The following CD8B variants were observed in gnomAD, a reference collection of about 807,000 sequenced individuals.
CD8B encodes the protein T-cell surface glycoprotein CD8 beta chain.
Under a neutral mutation model 24.2 loss-of-function variants are expected in CD8B, and 6 were observed. The observed-to-expected ratio is 0.25, with a 90% CI of 0.14 to 0.49. The LOEUF (loss-of-function observed/expected upper bound fraction) is 0.49, where lower values mean the gene tolerates loss of function less well. Ranked by LOEUF, CD8B falls within the 20% of genes least tolerant of loss-of-function variation. The pLI is 0.98. For synonymous variants in CD8B, 84 were observed against 108.3 expected, an observed-to-expected ratio of 0.78 and a Z score of 1.39; for missense variants, 196 against 271.3, an observed-to-expected ratio of 0.72 and a Z score of 1.95.
intron 1 of CD8B, among the ~76,000 whole-genome samples, chr2:86,858,638 G>T (rs1021121024): frequency 2.1e-5 from 3 of 141,446 alleles, no homozygotes; most frequent in African/African-American, 8.2e-5. Context: ...GCTAAGTTCA[G>T]CTTTACAAAG....
intron 5 of CD8B, among the ~76,000 whole-genome samples, chr2:86,824,519 A>C (rs1431738968): frequency 6.6e-6 from 1 of 152,204 alleles, no homozygotes; most frequent in East Asian, 1.9e-4. Flanking sequence ...TGATTGAATG[A>C]ATGAGCAGAT....
chr2:86,826,445 G>T (rs1674691203), intron 5 of CD8B, among the ~76,000 whole-genome samples: 1 of 152,158 alleles, frequency 6.6e-6, no homozygotes, highest in Non-Finnish European at 1.5e-5. Context: ...AATCGATTCT[G>T]ACAATGTAGA....
At position 86,832,148 on chromosome 2, in the gene CD8B, A is replaced by T. The variant is rs143639179; in HGVS notation, c.620+12774T>A. ...TGTAATTTTAGGCAAATATCAGAGG[A>T]GAAAATAAATTACCTTGAGTGATTA... On this transcript the variant is annotated intron_variant, in intron 5 of 5. Coordinates refer to the CD8B transcript ENST00000331469. 5.3e-3 allele frequency among the ~76,000 whole-genome samples: 814 copies of T among 152,330 alleles called. 9 individuals are homozygous for T. Among genetic ancestry groups the T allele is most frequent in the African/African-American group, 0.019 (771 of 41,572 alleles).
chr2:86,833,530 TCTCCTCCCCTCCCGTCCG>T (rs1403131986), downstream of CD8B, among the ~76,000 whole-genome samples: 136 of 61,762 alleles, frequency 2.2e-3, no homozygotes, highest in African/African-American at 8.7e-3. Context: ...TCCCCTCCGC[TCTCCTCCCCTCCCGTCCG>T]CTCTCCTCCC....
rs1187860781 is a variant in CD8B, at chr2:86,839,782, G to T, written c.*2525C>A. Among the ~76,000 whole-genome samples the T allele has an allele frequency of 2.0e-5, 3 of 152,260 alleles. No individual in the cohort carries two copies. The highest frequency in any genetic ancestry group is 7.2e-5 in the African/African-American group (3 of 41,470). The stretch of plus-strand genomic sequence containing the variant: ...CTGCAGTGGGACAAGAGGCCTTGTG[G>T]CCTGTTCTTACTTCCGCTGTGCACT... On this transcript the variant is annotated 3_prime_UTR_variant, in exon 6 of 6. Transcript: ENST00000390655.
intron 5 of CD8B, among the ~76,000 whole-genome samples, chr2:86,832,555 C>T (rs1345582716): frequency 6.6e-6 from 1 of 151,666 alleles, no homozygotes; most frequent in Non-Finnish European, 1.5e-5. Context: ...TTATGCAGCA[C>T]CAAATAACCT....
intron 2 of CD8B, 116 bp from the exon 3 acceptor site, chr2:86,853,202 G>T: frequency 6.6e-7 from 1 of 1,504,360 alleles, no homozygotes; most frequent in African/African-American, 1.4e-5. Context: ...CAACACTTCC[G>T]GAGGCCAAGG....
At chr2:86,836,121 T>G (rs1239029022), downstream of CD8B, among the ~76,000 whole-genome samples, 4 of 131,280 alleles carry the variant, frequency 3.0e-5, no homozygotes, top group South Asian at 2.7e-4. Flanking sequence ...GAAAGGTGGG[T>G]GGGTGGATGG....
chr2:86,822,665 C>G (rs1047456996), intron 5 of CD8B, among the ~76,000 whole-genome samples: 1 of 152,196 alleles, frequency 6.6e-6, no homozygotes, highest in Non-Finnish European at 1.5e-5. Flanking sequence ...GCTGTTGTTT[C>G]TAGTGGCTAA....
exon 6 of CD8B, chr2:86,815,605 GC>G (rs1479759661): frequency 3.8e-6 from 6 of 1,563,772 alleles, no homozygotes; most frequent in Non-Finnish European, 5.3e-6. Flanking sequence ...TGTGCTTCTT[GC>G]CTATGTTTTC....
At chr2:86,828,387 T>A (rs186559449) in intron 5 of CD8B, among the ~76,000 whole-genome samples, 58 of 152,246 alleles carry the variant, frequency 3.8e-4, no homozygotes, top group African/African-American at 1.3e-3. Context: ...ATAAAGTAGA[T>A]AATCTCATTT....
downstream of CD8B, chr2:86,815,509 G>T: frequency 1.3e-6 from 1 of 785,620 alleles, no homozygotes; most frequent in South Asian, 1.5e-5. Context: ...GATGGTGGCA[G>T]AGAAGTCTCT....
At chr2:86,850,341 G>C (rs1675914369) in intron 3 of CD8B, among the ~76,000 whole-genome samples, 1 of 152,094 alleles carries the variant, frequency 6.6e-6, no homozygotes, top group Admixed American at 6.5e-5. Context: ...TGGTCCCCCA[G>C]CACCTAAGGG....
downstream of CD8B, among the ~76,000 whole-genome samples, chr2:86,835,435 C>T (rs75935339): frequency 0.2 from 30,231 of 152,054 alleles, 3,203 homozygotes; most frequent in Non-Finnish European, 0.24. Flanking sequence ...CTTCGTGATC[C>T]GAAGGCAGGC....
chr2:86,826,359 G>A (rs576418835), intron 5 of CD8B, among the ~76,000 whole-genome samples: 1 of 152,300 alleles, frequency 6.6e-6, no homozygotes, highest in Non-Finnish European at 1.5e-5. Flanking sequence ...TAAAACAGTG[G>A]CTTTCTTGCA....
At chr2:86,833,003 TTC>T in intron 5 of CD8B, 4 of 331,442 alleles carry the variant, frequency 1.2e-5, no homozygotes, top group South Asian at 2.1e-5. Flanking sequence ...TCCTCTCCTC[TTC>T]TCTCTCTCCC....
chr2:86,860,462 T>C (rs567170789), intron 1 of CD8B, among the ~76,000 whole-genome samples: 1 of 152,212 alleles, frequency 6.6e-6, no homozygotes, highest in Non-Finnish European at 1.5e-5. Context: ...ATAATGCCAG[T>C]TTATTGAGCT....
intron 2 of CD8B, among the ~76,000 whole-genome samples, chr2:86,854,984 G>T (rs1249174678): frequency 6.6e-6 from 1 of 151,956 alleles, no homozygotes; most frequent in African/African-American, 2.4e-5. Context: ...AGTTGGGCGT[G>T]GTGGCACGTG....
At position 86,840,203 on chromosome 2, in the gene CD8B, T is replaced by A. The variant is rs1037404696; in HGVS notation, c.*2104A>T. Among the ~76,000 whole-genome samples the A allele has an allele frequency of 6.6e-6, 1 of 151,934 alleles. No homozygotes were observed. Among genetic ancestry groups the A allele is most frequent in the East Asian group, 1.9e-4 (1 of 5,164 alleles). ...CTGGGGGCAGGGCATCTAAGGCCAA[T>A]TCGTGCTGAATGAAGGAGAAACACC... On this transcript the variant is annotated 3_prime_UTR_variant, in exon 6 of 6. Transcript: ENST00000390655.
Sources: gnomAD v4.1 joint callset for allele counts (sites outside exome capture counted in the v4.1 genomes callset) on GRCh38, gnomAD v4.1.1 for gene constraint, MANE v1.5 for transcripts, NCBI Gene and HGNC (gene_info 2026-07-23, HGNC 2026-07-21) for gene names.